CPQ: variants seen among roughly 807,000 people sequenced by gnomAD.
CPQ encodes carboxypeptidase Q.
A neutral mutation model predicts 45.7 loss-of-function variants in CPQ; 37 were observed. The observed-to-expected ratio is 0.81, with a 90% confidence interval of 0.62 to 1.07. CPQ has a LOEUF of 1.07. CPQ is among the 50% of genes least tolerant of loss of function. The pLI is 0.00. For missense variants in CPQ, 537 were observed against 572.9 expected (o/e 0.94, Z 0.64); for synonymous variants, 186 against 205.8 (o/e 0.90, Z 0.82).
intron 6 of CPQ, among the ~76,000 whole-genome samples, chr8:97,041,754 T>C (rs1810130113): frequency 6.6e-6 from 1 of 152,216 alleles, no homozygotes; most frequent in Non-Finnish European, 1.5e-5. Context: ...ATGTGGTTTT[T>C]GTCTTTGGTT....
chr8:97,007,493 T>A (rs1809403409), intron 5 of CPQ, among the ~76,000 whole-genome samples: 1 of 152,198 alleles, frequency 6.6e-6, no homozygotes, highest in Non-Finnish European at 1.5e-5. Context: ...AGCCTGTTAA[T>A]GGAAGATAAT....
chr8:96,788,257 C>G (rs1313778010), intron 2 of CPQ, among the ~76,000 whole-genome samples: 1 of 151,746 alleles, frequency 6.6e-6, no homozygotes, highest in Non-Finnish European at 1.5e-5. Flanking sequence ...TTCCCCAGTT[C>G]AAGTGATTCT....
chr8:97,009,177 TG>T (rs1809437714), intron 5 of CPQ, among the ~76,000 whole-genome samples: 1 of 152,384 alleles, frequency 6.6e-6, no homozygotes, highest in South Asian at 2.1e-4. Context: ...GTCTTCAGCC[TG>T]TCAGGCGCTG....
At chr8:96,937,502 G>A (rs1381323904) in intron 4 of CPQ, among the ~76,000 whole-genome samples, 1 of 152,108 alleles carries the variant, frequency 6.6e-6, no homozygotes, top group Non-Finnish European at 1.5e-5. Flanking sequence ...TCCAGGCCCT[G>A]GGGAGCAAGA....
At chr8:96,880,354 C>T (rs1812204342) in intron 4 of CPQ, among the ~76,000 whole-genome samples, 1 of 151,640 alleles carries the variant, frequency 6.6e-6, no homozygotes, top group South Asian at 2.1e-4. Context: ...GCGTTTGACC[C>T]AGCCATCTCA....
Position 97,101,979 on chromosome 8 carries a change from C to CG in CPQ, c.1255+35769_1255+35770insG, listed in dbSNP as rs1563580602. On this transcript the variant is annotated intron_variant, in intron 7 of 7. Coordinates refer to ENST00000220763, the MANE Select transcript of CPQ (RefSeq NM_016134.4). ...CTCTCTCTCTCTCTCTCTCTCTCTC[C>CG]TGATAGCTCACCTTATGTTAAGTGC... 3.1e-3 allele frequency among the ~76,000 whole-genome samples: 419 copies of CG among 136,624 alleles called. 1 individual carries two copies. Among genetic ancestry groups the CG allele is most frequent in the African/African-American group, 0.012 (405 of 34,364 alleles). 89.6% of individuals were successfully genotyped at this position (136,624 alleles called of 152,430 possible). A position where few individuals can be genotyped will look rare whatever the true frequency, so the allele number is the denominator to read the frequency against.
chr8:96,813,414 T>C (rs1367873757), intron 2 of CPQ, among the ~76,000 whole-genome samples: 1 of 152,136 alleles, frequency 6.6e-6, no homozygotes, highest in Non-Finnish European at 1.5e-5. Context: ...GAGAAGACAG[T>C]GCTTGCCTAG....
intron 1 of CPQ, among the ~76,000 whole-genome samples, chr8:96,782,900 A>T (rs1001707417): frequency 2.0e-5 from 3 of 152,162 alleles, no homozygotes; most frequent in Non-Finnish European, 4.4e-5. Flanking sequence ...CCACTTAATA[A>T]CAAGGATAGC....
chr8:96,908,452 GCTT>G (rs1812609676), intron 4 of CPQ, among the ~76,000 whole-genome samples: 1 of 152,104 alleles, frequency 6.6e-6, no homozygotes, highest in African/African-American at 2.4e-5. Context: ...GAAAGCTGCT[GCTT>G]GGACAGGTTC....
chr8:96,907,077 AT>A (rs1812589359), intron 4 of CPQ, among the ~76,000 whole-genome samples: 2 of 152,288 alleles, frequency 1.3e-5, no homozygotes, highest in South Asian at 4.1e-4. Flanking sequence ...TTTGTAATAT[AT>A]TTTGTTCTTA....
At chr8:97,124,867 TAAC>T (rs1333508031) in intron 7 of CPQ, among the ~76,000 whole-genome samples, 8 of 151,890 alleles carry the variant, frequency 5.3e-5, no homozygotes, top group East Asian at 1.9e-4. Flanking sequence ...ATTAAGAAGC[TAAC>T]AACAACAACA....
chr8:97,120,545 T>C (rs75827455), intron 7 of CPQ, among the ~76,000 whole-genome samples: 1,886 of 152,338 alleles, frequency 0.012, 48 homozygotes, highest in African/African-American at 0.042. Flanking sequence ...TTGCCACTAG[T>C]GCAGTTCCAA....
At chr8:97,095,499 G>A (rs1040543335) in intron 7 of CPQ, among the ~76,000 whole-genome samples, 1 of 152,046 alleles carries the variant, frequency 6.6e-6, no homozygotes, top group African/African-American at 2.4e-5. Context: ...GCTCCCAGTT[G>A]TCTTCCCAAA....
chr8:96,690,067 T>C (rs2464478), intron 1 of CPQ, among the ~76,000 whole-genome samples: 57 of 152,308 alleles, frequency 3.7e-4, no homozygotes, highest in African/African-American at 1.1e-3. Flanking sequence ...TGTATTGCCT[T>C]GCCTTATTTT....
At chr8:96,960,791 T>G (rs1813447123) in intron 4 of CPQ, among the ~76,000 whole-genome samples, 1 of 151,980 alleles carries the variant, frequency 6.6e-6, no homozygotes, top group South Asian at 2.1e-4. Flanking sequence ...TATAGAATCA[T>G]AATCTTCTAC....
chr8:96,906,855 A>G (rs114625855), intron 4 of CPQ, among the ~76,000 whole-genome samples: 2 of 152,300 alleles, frequency 1.3e-5, no homozygotes, highest in South Asian at 2.1e-4. Flanking sequence ...TGCTCAGACC[A>G]TAGGAGAACC....
intron 2 of CPQ, among the ~76,000 whole-genome samples, chr8:96,813,610 G>T (rs1436445434): frequency 6.6e-6 from 1 of 152,146 alleles, no homozygotes; most frequent in African/African-American, 2.4e-5. Flanking sequence ...GCCAGAGCTG[G>T]ACTTGCTTTC....
At chr8:96,871,462 C>T (rs1398985540) in intron 3 of CPQ, among the ~76,000 whole-genome samples, 1 of 149,438 alleles carries the variant, frequency 6.7e-6, no homozygotes, top group Non-Finnish European at 1.5e-5. Context: ...CACAGGTGCT[C>T]AAATGCCTGG....
At chr8:96,839,448 T>G (rs1424974193) in intron 3 of CPQ, among the ~76,000 whole-genome samples, 1 of 152,188 alleles carries the variant, frequency 6.6e-6, no homozygotes, top group Non-Finnish European at 1.5e-5. Context: ...TTAGAGCTTT[T>G]TTAGTTTTTC....
Sources: gnomAD v4.1 joint callset for allele counts (sites outside exome capture counted in the v4.1 genomes callset) on GRCh38, gnomAD v4.1.1 for gene constraint, MANE v1.5 for transcripts, NCBI Gene and HGNC (gene_info 2026-07-23, HGNC 2026-07-21) for gene names.